Variants in NUBPL observed in about 807,000 individuals in gnomAD.
NUBPL encodes NUBP iron-sulfur cluster assembly factor, mitochondrial.
Under a neutral mutation model 45.7 loss-of-function variants are expected in NUBPL, and 31 were observed. The observed-to-expected ratio is 0.68, with a 90% CI of 0.51 to 0.92. NUBPL has a LOEUF of 0.92. Ranked by LOEUF, NUBPL falls within the 40% of genes least tolerant of loss-of-function variation. NUBPL has a pLI of 0.00. For synonymous variants in NUBPL, 144 were observed against 140.9 expected (o/e 1.02, Z -0.15); for missense variants, 401 against 398.7 (o/e 1.01, Z -0.05).
chr14:31,673,279 GAAAA>G (rs146587148), intron 4 of NUBPL, 72 bp from the exon 5 acceptor site: 12 of 1,277,108 alleles, frequency 9.4e-6, no homozygotes, highest in Non-Finnish European at 1.3e-5. Flanking sequence ...TTAAAAAGAT[GAAAA>G]AAAAACCCAA....
chr14:31,632,348 G>C (rs1359849904), intron 4 of NUBPL, among the ~76,000 whole-genome samples: 1 of 152,132 alleles, frequency 6.6e-6, no homozygotes, highest in Non-Finnish European at 1.5e-5. Flanking sequence ...TAGCCAGCCT[G>C]GGGCTACCCT....
chr14:31,684,270 T>A (rs554174382), intron 6 of NUBPL, among the ~76,000 whole-genome samples: 1 of 152,366 alleles, frequency 6.6e-6, no homozygotes, highest in African/African-American at 2.4e-5. Context: ...AAACCTAGTG[T>A]CATGTACATG....
chr14:31,849,080 G>A (rs1421716803), intron 9 of NUBPL, among the ~76,000 whole-genome samples: 1 of 152,178 alleles, frequency 6.6e-6, no homozygotes, highest in Admixed American at 6.5e-5. Context: ...TTGGCCGTTG[G>A]ATATTGAGGA....
chr14:31,722,512 GC>G (rs2139953027), intron 6 of NUBPL, among the ~76,000 whole-genome samples: 1 of 152,208 alleles, frequency 6.6e-6, no homozygotes, highest in African/African-American at 2.4e-5. Flanking sequence ...TTGAGGAATG[GC>G]CACACTTCTT....
chr14:31,720,247 G>A (rs1024066210), intron 6 of NUBPL, among the ~76,000 whole-genome samples: 7 of 152,044 alleles, frequency 4.6e-5, no homozygotes, highest in Non-Finnish European at 1.0e-4. Flanking sequence ...TCAAGTCTTC[G>A]TCATCTAACT....
chr14:31,847,320 C>G (rs1466761303), intron 9 of NUBPL, among the ~76,000 whole-genome samples: 1 of 152,124 alleles, frequency 6.6e-6, no homozygotes, highest in Non-Finnish European at 1.5e-5. Context: ...AAATGCCTTC[C>G]TGATTAATTC....
chr14:31,851,082 C>T (rs2040531204), intron 10 of NUBPL, among the ~76,000 whole-genome samples: 1 of 152,012 alleles, frequency 6.6e-6, no homozygotes, highest in South Asian at 2.1e-4. Flanking sequence ...ATATTTTAAT[C>T]TTTTTAAAAA....
chr14:31,581,721 G>C (rs1476790880), intron 3 of NUBPL, among the ~76,000 whole-genome samples: 1 of 152,188 alleles, frequency 6.6e-6, no homozygotes, highest in African/African-American at 2.4e-5. Flanking sequence ...CACCCAGGTG[G>C]ATATGTTGAG....
At chr14:31,818,717 G>A (rs2039967239) in intron 7 of NUBPL, among the ~76,000 whole-genome samples, 1 of 151,900 alleles carries the variant, frequency 6.6e-6, no homozygotes, top group Non-Finnish European at 1.5e-5. Context: ...CCCGGCTAAT[G>A]TTTTGTATTT....
At chr14:31,615,173 C>T (rs893211628) in intron 4 of NUBPL, among the ~76,000 whole-genome samples, 1 of 152,080 alleles carries the variant, frequency 6.6e-6, no homozygotes, top group African/African-American at 2.4e-5. Context: ...AAAAGTATGG[C>T]ACTTCCCCTC....
At chr14:31,746,149 T>G (rs945562708) in intron 6 of NUBPL, among the ~76,000 whole-genome samples, 1 of 152,044 alleles carries the variant, frequency 6.6e-6, no homozygotes, top group Non-Finnish European at 1.5e-5. Flanking sequence ...TTTGATTTCT[T>G]CTCTCCCAAT....
intron 6 of NUBPL, among the ~76,000 whole-genome samples, chr14:31,714,962 A>G (rs1362319830): frequency 6.6e-6 from 1 of 152,178 alleles, no homozygotes; most frequent in African/African-American, 2.4e-5. Flanking sequence ...TCCACTAAAC[A>G]CCAGCCTAAA....
chr14:31,644,311 A>G (rs548896263), intron 4 of NUBPL, among the ~76,000 whole-genome samples: 3 of 151,838 alleles, frequency 2.0e-5, no homozygotes, highest in Admixed American at 6.6e-5. Flanking sequence ...CCATCTTCAT[A>G]CTGTTTTTCC....
chr14:31,706,161 C>A (rs1367063368), intron 6 of NUBPL, among the ~76,000 whole-genome samples: 2 of 65,606 alleles, frequency 3.0e-5, no homozygotes, highest in Non-Finnish European at 1.1e-4. Flanking sequence ...AATCCCCCCT[C>A]TAAACAGGAC....
Position 31,561,855 on chromosome 14 carries a change from G to T in NUBPL, c.109-213G>T, listed in dbSNP as rs187754508. ...AGGCAGCGTTTTTACATTTTTAAAC[G>T]TTCAGCGTATCCTGCTAGAAAAATT... is the stretch of plus-strand genomic sequence containing the variant. On this transcript the variant is annotated intron_variant, in intron 1 of 10. Transcript: ENST00000281081. The T allele has an allele frequency of 3.7e-4, 223 of 609,058 alleles. 1 individual carries two copies. In the African/African-American group the frequency reaches 3.9e-3, roughly 11 times the overall value. The allele number at this position is 609,058 out of a possible 1,614,324, so 37.7% of individuals were successfully genotyped here.
chr14:31,758,438 A>G (rs182171822), intron 6 of NUBPL, among the ~76,000 whole-genome samples: 43 of 152,342 alleles, frequency 2.8e-4, no homozygotes, highest in African/African-American at 9.6e-4. Flanking sequence ...AGCTTCAGAA[A>G]AATGTAGAAA....
At chr14:31,834,254 C>T (rs771452699) in intron 8 of NUBPL, among the ~76,000 whole-genome samples, 2 of 136,668 alleles carry the variant, frequency 1.5e-5, no homozygotes, top group Non-Finnish European at 3.0e-5. Context: ...AATCTTGGCT[C>T]ACTGCAACCT....
At chr14:31,751,914 C>A (rs12886260) in intron 6 of NUBPL, among the ~76,000 whole-genome samples, 69,301 of 152,084 alleles carry the variant, frequency 0.46, 16,937 homozygotes, top group African/African-American at 0.64. Flanking sequence ...ACAGGCCCAA[C>A]TGCATGGAGG....
At chr14:31,728,131 T>C (rs921721781) in intron 6 of NUBPL, among the ~76,000 whole-genome samples, 2 of 152,094 alleles carry the variant, frequency 1.3e-5, no homozygotes, top group African/African-American at 4.8e-5. Flanking sequence ...AAGGCAGAAT[T>C]GAAGCTAGTT....
Sources: allele counts gnomAD v4.1 joint callset (sites outside exome capture counted in the v4.1 genomes callset), GRCh38; gene constraint gnomAD v4.1.1; transcripts MANE v1.5; gene names NCBI Gene and HGNC (gene_info 2026-07-23, HGNC 2026-07-21).